Variants in KHDRBS3 observed in about 807,000 individuals in gnomAD.
KHDRBS3 encodes KH domain-containing, RNA-binding, signal transduction-associated protein 3.
A neutral mutation model predicts 45.6 loss-of-function variants in KHDRBS3; 23 were observed. The observed-to-expected ratio is 0.50, with a 90% CI of 0.36 to 0.72. The LOEUF (loss-of-function observed/expected upper bound fraction) is 0.72. Among genes scored for constraint, KHDRBS3 ranks in the 30% least tolerant of loss-of-function variants. The pLI, the probability that KHDRBS3 is intolerant of heterozygous loss-of-function variation, is 0.00. For synonymous variants in KHDRBS3, 162 were observed against 156.5 expected (o/e 1.04, Z -0.26); for missense variants, 352 against 424.8 (o/e 0.83, Z 1.51).
intron 5 of KHDRBS3, among the ~76,000 whole-genome samples, chr8:135,581,245 T>C (rs1828192344): frequency 6.6e-6 from 1 of 152,230 alleles, no homozygotes; most frequent in South Asian, 2.1e-4. Context: ...GGAGCCATTC[T>C]TGATAGAGCC....
At chr8:135,543,732 G>A (rs1826154877) in intron 3 of KHDRBS3, among the ~76,000 whole-genome samples, 1 of 152,162 alleles carries the variant, frequency 6.6e-6, no homozygotes, top group South Asian at 2.1e-4. Context: ...CAGAGAACTT[G>A]AGTATATTAT....
rs533278824 is a variant in KHDRBS3, at chr8:135,473,213, C to T, written c.88+15259C>T. Among the ~76,000 whole-genome samples the T allele has an allele frequency of 3.3e-5, 5 of 152,134 alleles. No individual in the cohort carries two copies. In the South Asian group the frequency reaches 6.2e-4, roughly 19 times the overall value. Reference sequence around the variant, plus strand: ...GTAGCTGGGGTGTCACAGGCTCCTCCGTCCGGAAAGCTTCCTGGCTCCTCA... The same window carrying T: ...GTAGCTGGGGTGTCACAGGCTCCTCTGTCCGGAAAGCTTCCTGGCTCCTCA... On this transcript the variant is annotated intron_variant, in intron 1 of 8. Transcript: ENST00000355849.
chr8:135,533,725 A>G (rs1042745807), intron 2 of KHDRBS3, among the ~76,000 whole-genome samples: 19 of 152,164 alleles, frequency 1.2e-4, no homozygotes, highest in Admixed American at 4.6e-4. Flanking sequence ...CTCGCTTACA[A>G]TGGGGTTTTG....
chr8:135,654,826 A>G (rs1831499553), intron 4 of KHDRBS3, among the ~76,000 whole-genome samples: 1 of 152,228 alleles, frequency 6.6e-6, no homozygotes, highest in Non-Finnish European at 1.5e-5. Flanking sequence ...GATCTCCTCT[A>G]GCACTCCCCT....
At chr8:135,631,529 T>C (rs1363548412) in intron 7 of KHDRBS3, among the ~76,000 whole-genome samples, 1 of 152,146 alleles carries the variant, frequency 6.6e-6, no homozygotes, top group East Asian at 1.9e-4. Context: ...CAGGATCATC[T>C]ACATCCTTGT....
intron 4 of KHDRBS3, among the ~76,000 whole-genome samples, chr8:135,655,727 TTTTG>T (rs60237151): frequency 1.1e-4 from 17 of 151,356 alleles, no homozygotes; most frequent in African/African-American, 2.7e-4. Flanking sequence ...CGATTGGGTT[TTTTG>T]TTTGTTTGTT....
chr8:135,614,887 G>T (rs187104446), intron 7 of KHDRBS3, among the ~76,000 whole-genome samples: 1 of 151,784 alleles, frequency 6.6e-6, no homozygotes, highest in Non-Finnish European at 1.5e-5. Flanking sequence ...AAGAGAGACC[G>T]GGCTCCACTC....
At chr8:135,503,764 C>A (rs1455610644) in intron 1 of KHDRBS3, among the ~76,000 whole-genome samples, 1 of 152,074 alleles carries the variant, frequency 6.6e-6, no homozygotes, top group Non-Finnish European at 1.5e-5. Flanking sequence ...GTAATTTTAC[C>A]ACGTCCATAC....
intron 6 of KHDRBS3, among the ~76,000 whole-genome samples, chr8:135,602,781 A>G (rs1287663542): frequency 6.6e-6 from 1 of 152,192 alleles, no homozygotes; most frequent in African/African-American, 2.4e-5. Flanking sequence ...GTGCCCTCAC[A>G]CCAAGAGATA....
intron 4 of KHDRBS3, among the ~76,000 whole-genome samples, chr8:135,552,363 T>C (rs1383657087): frequency 6.6e-6 from 1 of 152,150 alleles, no homozygotes; most frequent in African/African-American, 2.4e-5. Flanking sequence ...AGTCTTCAAG[T>C]TAACTACTTC....
chr8:135,460,116 A>AT (rs2130068507), intron 1 of KHDRBS3, among the ~76,000 whole-genome samples: 1 of 152,366 alleles, frequency 6.6e-6, no homozygotes, highest in African/African-American at 2.4e-5. Flanking sequence ...CTGAAGCTAC[A>AT]TGATTGTGAG....
intron 7 of KHDRBS3, among the ~76,000 whole-genome samples, chr8:135,613,581 C>G (rs1829792442): frequency 6.6e-6 from 1 of 151,628 alleles, no homozygotes. Flanking sequence ...CATCCTTCTG[C>G]AGCTCTAAAT....
chr8:135,475,317 G>A (rs1822218684), intron 1 of KHDRBS3, among the ~76,000 whole-genome samples: 1 of 152,026 alleles, frequency 6.6e-6, no homozygotes, highest in South Asian at 2.1e-4. Context: ...AGCCTGTTTT[G>A]TTTTGGTTTT....
chr8:135,631,608 C>T (rs145653298), intron 7 of KHDRBS3, among the ~76,000 whole-genome samples: 2 of 152,140 alleles, frequency 1.3e-5, no homozygotes, highest in African/African-American at 4.8e-5. Flanking sequence ...GCTGTCATCT[C>T]CTAGGATAAG....
intron 1 of KHDRBS3, among the ~76,000 whole-genome samples, chr8:135,496,998 G>T (rs1002088994): frequency 6.6e-6 from 1 of 152,226 alleles, no homozygotes; most frequent in Non-Finnish European, 1.5e-5. Flanking sequence ...AGACAAGGAA[G>T]CCCCAGAATG....
chr8:135,575,785 A>G (rs1466390957), intron 5 of KHDRBS3, among the ~76,000 whole-genome samples: 2 of 152,224 alleles, frequency 1.3e-5, no homozygotes, highest in Non-Finnish European at 2.9e-5. Flanking sequence ...AGCATGGCTC[A>G]CTTATTTCAG....
chr8:135,474,086 CTCATTGT>C (rs1321253163), intron 1 of KHDRBS3, among the ~76,000 whole-genome samples: 1 of 152,136 alleles, frequency 6.6e-6, no homozygotes, highest in Non-Finnish European at 1.5e-5. Flanking sequence ...AGTTCACAAT[CTCATTGT>C]TCATTTAATT....
In KHDRBS3 at chr8:135,642,484, C is replaced by T. The variant is rs551208245; in HGVS notation, c.891-2575C>T. Among the ~76,000 whole-genome samples, 5 of 152,238 alleles carry T rather than the reference C, an allele frequency of 3.3e-5. No homozygotes were observed. In the East Asian group the frequency reaches 9.7e-4, roughly 29 times the overall value. On this transcript the variant is annotated intron_variant, in intron 7 of 8. Transcript: ENST00000355849. The stretch of plus-strand genomic sequence containing the variant: ...TTCTTCTAAATTTTTTTAGGAATGC[C>T]AGCCCTTAATTTGAAGACCATTTTT...
At chr8:135,594,408 C>T (rs1402282783) in intron 6 of KHDRBS3, among the ~76,000 whole-genome samples, 1 of 152,154 alleles carries the variant, frequency 6.6e-6, no homozygotes, top group East Asian at 1.9e-4. Context: ...AATCCTTGCC[C>T]TGTCTTTAAT....
Sources: allele counts gnomAD v4.1 joint callset (sites outside exome capture counted in the v4.1 genomes callset), GRCh38; gene constraint gnomAD v4.1.1; transcripts MANE v1.5; gene names NCBI Gene and HGNC (gene_info 2026-07-23, HGNC 2026-07-21).